Variants in IGSF5 observed in about 807,000 individuals in gnomAD.
IGSF5 encodes the protein immunoglobulin superfamily member 5.
IGSF5 carries 41 observed loss-of-function variants against 39.4 expected under a neutral mutation model. That is an observed-to-expected ratio of 1.04 (90% confidence interval 0.81 to 1.35). The LOEUF (loss-of-function observed/expected upper bound fraction) is 1.35. Ranked by LOEUF, IGSF5 falls within the 40% of genes most tolerant of loss-of-function variation. The pLI is 0.00. For missense variants in IGSF5, 487 were observed against 494.6 expected (o/e 0.98, Z 0.15); for synonymous variants, 183 against 175.3 (o/e 1.04, Z -0.34).
chr21:39,754,576 T>C (rs896745652), intron 2 of IGSF5, among the ~76,000 whole-genome samples: 1 of 152,124 alleles, frequency 6.6e-6, no homozygotes, highest in Admixed American at 6.6e-5. Flanking sequence ...ATCTTCTGAG[T>C]GTGTTTGCCT....
chr21:39,773,140 T>A (rs1415216380), intron 4 of IGSF5, among the ~76,000 whole-genome samples: 1 of 152,060 alleles, frequency 6.6e-6, no homozygotes, highest in African/African-American at 2.4e-5. Context: ...CCCTCCACCC[T>A]CAGATAGACC....
chr21:39,797,030 ACT>A (rs2086999700), intron 8 of IGSF5, among the ~76,000 whole-genome samples: 2 of 152,222 alleles, frequency 1.3e-5, no homozygotes, highest in African/African-American at 4.8e-5. Context: ...ATCTGTTAAC[ACT>A]CGGCAATTTC....
At chr21:39,761,442 G>T (rs2080061191) in intron 2 of IGSF5, among the ~76,000 whole-genome samples, 2 of 152,188 alleles carry the variant, frequency 1.3e-5, no homozygotes, top group Non-Finnish European at 2.9e-5. Context: ...TGCAGCAAGA[G>T]AAATTGCCAA....
At chr21:39,789,750 A>G (rs1164430683) in intron 6 of IGSF5, among the ~76,000 whole-genome samples, 2 of 152,234 alleles carry the variant, frequency 1.3e-5, no homozygotes, top group African/African-American at 4.8e-5. Flanking sequence ...TTAACTAACT[A>G]TGTATGTACC....
At position 39,763,737 on chromosome 21, in the gene IGSF5, G is replaced by C. The variant is rs186661269; in HGVS notation, c.101-1798G>C. Among the ~76,000 whole-genome samples the C allele has an allele frequency of 2.9e-3, 448 of 152,292 alleles. 4 individuals carry two copies. The highest frequency in any genetic ancestry group is 0.01 in the African/African-American group (427 of 41,562). On this transcript the variant is annotated intron_variant, in intron 2 of 8. Coordinates refer to ENST00000380588, the MANE Select transcript of IGSF5 (RefSeq NM_001080444.2). ...CTTGACTGCCATTGACCCGAGGTGG[G>C]AGTGCAGGAGGAGTGTGGTTATTAC...
chr21:39,752,089 G>A (rs1421725032), intron 2 of IGSF5, among the ~76,000 whole-genome samples: 2 of 152,038 alleles, frequency 1.3e-5, no homozygotes, highest in Non-Finnish European at 2.9e-5. Flanking sequence ...TTCTTAAATG[G>A]TGATTTCTGA....
At chr21:39,717,077 G>T in the IGSF5 span, among the ~76,000 whole-genome samples, 1 of 152,098 alleles carries the variant, frequency 6.6e-6, no homozygotes, top group Non-Finnish European at 1.5e-5. Flanking sequence ...CTGTGGTTTT[G>T]ATTTGTATTT....
In IGSF5 at chr21:39,765,775, A is replaced by G. The variant is rs1280043653; in HGVS notation, c.341A>G (p.Glu114Gly). 6.2e-7 allele frequency: 1 copy of G among 1,614,098 alleles called. No individual in the cohort carries two copies. Among genetic ancestry groups the G allele is most frequent in the South Asian group, 1.1e-5 (1 of 91,066 alleles). The stretch of plus-strand genomic sequence containing the variant: ...TCGGAGATGATCATCCACAATGTGG[A>G]GCCCAGTGATTCGGGGAACATCAGA... ...FTSEMIIHNV[E>G]PSDSGNIRCS... The change falls in exon 3 of 9, where the codon GAG (glutamate) becomes GGG (glycine). Residue 114 changes from glutamate (E) to glycine (G), a missense_variant. Glu to Gly is a moderately conservative substitution (Grantham distance 98). Coordinates refer to ENST00000380588, the MANE Select transcript of IGSF5 (RefSeq NM_001080444.2).
intron 2 of IGSF5, among the ~76,000 whole-genome samples, chr21:39,756,279 C>T (rs1844789159): frequency 6.6e-6 from 1 of 152,214 alleles, no homozygotes; most frequent in African/African-American, 2.4e-5. Flanking sequence ...GGTCATGGGC[C>T]TGAGAATCTT....
chr21:39,722,762 C>T, the IGSF5 span, among the ~76,000 whole-genome samples: 1 of 152,098 alleles, frequency 6.6e-6, no homozygotes, highest in Non-Finnish European at 1.5e-5. Flanking sequence ...CACTTTCTAC[C>T]ACCTTACATA....
intron 4 of IGSF5, among the ~76,000 whole-genome samples, chr21:39,772,668 C>T (rs1168965723): frequency 6.6e-6 from 1 of 152,130 alleles, no homozygotes; most frequent in Non-Finnish European, 1.5e-5. Context: ...TTGAACGGTA[C>T]AGGTTATTTT....
intron 5 of IGSF5, 91 bp downstream of exon 5, chr21:39,779,396 A>C: frequency 6.9e-7 from 1 of 1,459,010 alleles, no homozygotes; most frequent in Admixed American, 2.0e-5. Context: ...CTTTCAAAAG[A>C]TAGATTAACT....
chr21:39,738,415 G>A, the IGSF5 span, among the ~76,000 whole-genome samples: 1 of 152,156 alleles, frequency 6.6e-6, no homozygotes, highest in Non-Finnish European at 1.5e-5. This position sits in a 1 kb window ranked among gnomAD's most constrained non-coding sequence, Gnocchi z 6.4. Context: ...GGAATTAACG[G>A]AGCTACAGTT....
intron 2 of IGSF5, among the ~76,000 whole-genome samples, chr21:39,760,762 G>A (rs1401526297): frequency 1.3e-5 from 2 of 152,112 alleles, no homozygotes; most frequent in African/African-American, 4.8e-5. Context: ...AGTAGAGACG[G>A]GGTTTCACTA....
chr21:39,752,071 T>C (rs1167428848), intron 2 of IGSF5, among the ~76,000 whole-genome samples: 2 of 152,196 alleles, frequency 1.3e-5, no homozygotes, highest in African/African-American at 4.8e-5. Flanking sequence ...TTTGGTTACA[T>C]GAATAAGTTC....
intron 3 of IGSF5, among the ~76,000 whole-genome samples, chr21:39,767,203 C>T (rs1348016697): frequency 2.0e-5 from 3 of 152,142 alleles, no homozygotes; most frequent in African/African-American, 4.8e-5. Context: ...GTTTTGGCTT[C>T]ATCAGTTATC....
chr21:39,717,743 G>T, the IGSF5 span, among the ~76,000 whole-genome samples: 1 of 152,256 alleles, frequency 6.6e-6, no homozygotes, highest in Non-Finnish European at 1.5e-5. Flanking sequence ...GGACACTGTA[G>T]CCTTGTAGTA....
chr21:39,765,422 C>T, intron 2 of IGSF5, 113 bp from the exon 3 acceptor site: 1 of 903,908 alleles, frequency 1.1e-6, no homozygotes, highest in Non-Finnish European at 1.7e-6. Context: ...CAGTCTGAGT[C>T]ACTGGATGGA....
intron 2 of IGSF5, among the ~76,000 whole-genome samples, chr21:39,758,369 C>T (rs930691523): frequency 6.6e-6 from 1 of 152,218 alleles, no homozygotes; most frequent in African/African-American, 2.4e-5. Flanking sequence ...AGGGCCATCA[C>T]TGTCCTGGGA....
Sources: gnomAD v4.1 joint callset for allele counts (sites outside exome capture counted in the v4.1 genomes callset) on GRCh38, gnomAD v4.1.1 for gene constraint, Gnocchi (gnomAD v3.1) non-coding constraint, MANE v1.5 for transcripts, NCBI Gene and HGNC (gene_info 2026-07-23, HGNC 2026-07-21) for gene names.